TNS1: variants seen among roughly 807,000 people sequenced by gnomAD.
The protein encoded by TNS1 is tensin-1.
A neutral mutation model predicts 168.6 loss-of-function variants in TNS1; 62 were observed. The ratio of observed to expected loss-of-function variants is 0.37; its 90% CI spans 0.30 to 0.45. The LOEUF is 0.45. Among genes scored for constraint, TNS1 ranks in the 20% least tolerant of loss-of-function variants. The pLI is 1.00. For synonymous variants in TNS1, 934 were observed against 933.2 expected (o/e 1.00, Z -0.02); for missense variants, 2,240 against 2,339.4 (o/e 0.96, Z 0.88).
intron 1 of TNS1, among the ~76,000 whole-genome samples, chr2:218,027,517 T>C (rs1328489770): frequency 6.6e-6 from 1 of 152,056 alleles, no homozygotes; most frequent in Admixed American, 6.5e-5. Context: ...TTGTTCAAAG[T>C]GTCGCCTCCT....
chr2:217,804,943 C>T (rs1411038662), intron 32 of TNS1, among the ~76,000 whole-genome samples: 1 of 151,970 alleles, frequency 6.6e-6, no homozygotes, highest in Non-Finnish European at 1.5e-5. Context: ...ACAGGCCTCT[C>T]CCCGCCCATC....
At chr2:217,965,767 C>T (rs950162496) in intron 3 of TNS1, among the ~76,000 whole-genome samples, 1 of 152,162 alleles carries the variant, frequency 6.6e-6, no homozygotes, top group African/African-American at 2.4e-5. Flanking sequence ...TCAACGGGCA[C>T]CACAGACCCC....
intron 1 of TNS1, among the ~76,000 whole-genome samples, chr2:218,019,062 G>C (rs1313949336): frequency 6.6e-6 from 1 of 151,548 alleles, no homozygotes; most frequent in Non-Finnish European, 1.5e-5. Flanking sequence ...GGGCAACAGA[G>C]CAAGATTCCA....
At chr2:217,989,386 G>A (rs1436941983) in intron 2 of TNS1, among the ~76,000 whole-genome samples, 1 of 152,184 alleles carries the variant, frequency 6.6e-6, no homozygotes, top group African/African-American at 2.4e-5. Flanking sequence ...TCACCCACAT[G>A]AGAAATGATG....
intron 4 of TNS1, among the ~76,000 whole-genome samples, chr2:217,907,835 T>A (rs980577135): frequency 6.6e-6 from 1 of 152,184 alleles, no homozygotes; most frequent in South Asian, 2.1e-4. Context: ...CTCTGCTCCA[T>A]CAGCCCCAGC....
intron 1 of TNS1, among the ~76,000 whole-genome samples, chr2:218,008,972 C>G (rs995706386): frequency 3.3e-5 from 5 of 152,184 alleles, no homozygotes; most frequent in Non-Finnish European, 7.3e-5. Flanking sequence ...ATCCTCACAA[C>G]ACTCCAAACG....
intron 18 of TNS1, among the ~76,000 whole-genome samples, chr2:217,856,761 T>C (rs920236077): frequency 1.3e-5 from 2 of 152,192 alleles, no homozygotes; most frequent in Non-Finnish European, 2.9e-5. Context: ...CTTGGAACCC[T>C]GTGGGCAGGG....
chr2:217,804,996 G>T (rs1938219996), intron 32 of TNS1, among the ~76,000 whole-genome samples: 1 of 143,384 alleles, frequency 7.0e-6, no homozygotes, highest in African/African-American at 2.5e-5. Flanking sequence ...CAACACATAT[G>T]CCAATCAGGA....
At chr2:218,030,946 T>G (rs374864876) in intron 1 of TNS1, among the ~76,000 whole-genome samples, 2 of 152,002 alleles carry the variant, frequency 1.3e-5, no homozygotes, top group East Asian at 1.9e-4. Flanking sequence ...TAAGTATGAG[T>G]GTGTATGTGT....
upstream of TNS1, among the ~76,000 whole-genome samples, chr2:218,006,792 T>C (rs185590061): frequency 6.6e-6 from 1 of 152,144 alleles, no homozygotes; most frequent in Admixed American, 6.5e-5. Context: ...TTTTACAAAA[T>C]TGAAAAAATA....
Position 217,967,788 on chromosome 2 carries a change from A to G in TNS1, c.186+10977T>C, listed in dbSNP as rs937130211. Among the ~76,000 whole-genome samples, 28 of 152,214 alleles carry G rather than the reference A, an allele frequency of 1.8e-4. 1 individual carries two copies. Among genetic ancestry groups the G allele is most frequent in the Admixed American group, 1.6e-3 (24 of 15,284 alleles). On this transcript the variant is annotated intron_variant, in intron 3 of 32. Transcript: ENST00000682258. The stretch of plus-strand genomic sequence containing the variant: ...TTTACAAATTCTTCCAAAACATAGA[A>G]GACAAACAAACACCTCTCAAATCAT...
At chr2:217,884,072 A>C (rs1950940124) in intron 16 of TNS1, among the ~76,000 whole-genome samples, 1 of 135,092 alleles carries the variant, frequency 7.4e-6, no homozygotes, top group African/African-American at 2.9e-5. Context: ...CTTTCTGTTC[A>C]TATCTATAGG....
chr2:217,980,105 G>A (rs1958003271), intron 2 of TNS1, among the ~76,000 whole-genome samples: 1 of 152,144 alleles, frequency 6.6e-6, no homozygotes, highest in Non-Finnish European at 1.5e-5. Context: ...TGCCTGGAAA[G>A]GGACCTTGGC....
chr2:217,931,565 CCT>C (rs1414971037), intron 3 of TNS1, among the ~76,000 whole-genome samples: 2 of 152,268 alleles, frequency 1.3e-5, no homozygotes, highest in East Asian at 1.9e-4. Flanking sequence ...GACATCAGCC[CCT>C]GTCTTCTGAA....
intron 12 of TNS1, 37 bp from the exon 13 acceptor site, chr2:217,886,683 T>C (rs757698103): frequency 2.2e-5 from 32 of 1,444,324 alleles, no homozygotes; most frequent in East Asian, 2.4e-5. Context: ...GGGAGTGAGG[T>C]GGGTACTGGT....
At chr2:217,922,591 G>T (rs1955782317) in intron 3 of TNS1, among the ~76,000 whole-genome samples, 1 of 152,204 alleles carries the variant, frequency 6.6e-6, no homozygotes, top group Non-Finnish European at 1.5e-5. Context: ...GGGAGGGAGG[G>T]GGTTATGGCT....
At chr2:218,004,904 T>C (rs1015473425), upstream of TNS1, among the ~76,000 whole-genome samples, 3 of 152,216 alleles carry the variant, frequency 2.0e-5, no homozygotes, top group Non-Finnish European at 4.4e-5. Context: ...CCACATGCAG[T>C]TGGCCCTGCA....
chr2:217,836,136 T>A lies in TNS1; in HGVS notation c.3083A>T (p.Tyr1028Phe), dbSNP rs1468313247. Residue 1028 changes from tyrosine (Y) to phenylalanine (F), a missense_variant, in exon 20 of 33, where the codon TAT becomes TTT. Tyr to Phe is a conservative substitution (Grantham distance 22). Transcript: ENST00000682258. ...LRRRAASDGQ[Y>F]ENQSPEATSP... ...TGTGGCTTCTGGAGACTGGTTCTCA[T>A]ACTGTCCATCACTGGCCGCCCGCCT... is the stretch of plus-strand genomic sequence containing the variant. 6.2e-7 allele frequency: 1 copy of A among 1,614,056 alleles called. No individual in the cohort carries two copies. Among genetic ancestry groups the A allele is most frequent in the South Asian group, 1.1e-5 (1 of 91,076 alleles).
chr2:217,897,690 G>GT (rs1952465400), intron 8 of TNS1, 108 bp downstream of exon 8: 3 of 1,222,774 alleles, frequency 2.5e-6, no homozygotes, highest in Non-Finnish European at 3.4e-6. Context: ...AAAGAGAAGA[G>GT]GGCATGCTGG....
Sources: allele counts gnomAD v4.1 joint callset (sites outside exome capture counted in the v4.1 genomes callset), GRCh38; gene constraint gnomAD v4.1.1; transcripts MANE v1.5; gene names NCBI Gene and HGNC (gene_info 2026-07-23, HGNC 2026-07-21).